CSMD1: variants seen among roughly 807,000 people sequenced by gnomAD.
CSMD1 encodes the protein CUB and Sushi multiple domains 1.
In CSMD1, 213 loss-of-function variants were observed where a neutral mutation model predicts 417.5. That is an observed-to-expected ratio of 0.51 (90% CI 0.46 to 0.57). The LOEUF (loss-of-function observed/expected upper bound fraction) is 0.57. Ranked by LOEUF, CSMD1 falls within the 20% of genes least tolerant of loss-of-function variation. The pLI is 0.00. For missense variants in CSMD1, 6,923 were observed against 4,529.7 expected (o/e 1.53, Z -15.17); for synonymous variants, 2,862 against 1,736.8 (o/e 1.65, Z -16.11).
chr8:3,548,599 T>A (rs1376781793), intron 10 of CSMD1, among the ~76,000 whole-genome samples: 1 of 150,924 alleles, frequency 6.6e-6, no homozygotes, highest in African/African-American at 2.4e-5. Flanking sequence ...CCCAATCTCA[T>A]CCAGGTTGCT....
intron 5 of CSMD1, among the ~76,000 whole-genome samples, chr8:3,879,836 C>CGT (rs55713446): frequency 2.3e-3 from 339 of 150,620 alleles, no homozygotes; most frequent in Non-Finnish European, 3.2e-3. Context: ...TGTGCGTGTG[C>CGT]GTGTGTGTGT....
At chr8:3,026,696 G>A (rs2128974970) in intron 51 of CSMD1, among the ~76,000 whole-genome samples, 1 of 152,356 alleles carries the variant, frequency 6.6e-6, no homozygotes, top group South Asian at 2.1e-4. Flanking sequence ...AAATGTGCCA[G>A]GTATCTGAGC....
At chr8:4,348,388 G>C (rs576160569) in intron 3 of CSMD1, among the ~76,000 whole-genome samples, 3 of 152,014 alleles carry the variant, frequency 2.0e-5, no homozygotes, top group Non-Finnish European at 2.9e-5. Context: ...TTTAAAGAAC[G>C]TTGCAGGTCA....
chr8:3,709,302 G>C (rs1031026686), intron 6 of CSMD1, among the ~76,000 whole-genome samples: 1 of 152,076 alleles, frequency 6.6e-6, no homozygotes, highest in Non-Finnish European at 1.5e-5. Context: ...TATGAGACTG[G>C]ACCTACAGCA....
chr8:3,995,321 G>A (rs2627505), intron 5 of CSMD1, among the ~76,000 whole-genome samples: 99,281 of 151,856 alleles, frequency 0.65, 32,613 homozygotes, highest in East Asian at 0.78. Context: ...AGTCCTTGTG[G>A]CTGTGTTAAG....
intron 1 of CSMD1, among the ~76,000 whole-genome samples, chr8:4,835,123 G>C (rs1800398418): frequency 6.6e-6 from 1 of 151,854 alleles, no homozygotes; most frequent in Non-Finnish European, 1.5e-5. Flanking sequence ...TTATTATTAA[G>C]GCGGCAACTC....
In CSMD1 at chr8:3,754,520, T is replaced by C. The variant is rs753557888; in HGVS notation, c.819-478A>G. Among the ~76,000 whole-genome samples the C allele has an allele frequency of 2.2e-4, 33 of 152,232 alleles. No homozygotes were observed. In the Middle Eastern group the frequency reaches 0.014, roughly 63 times the overall value. On this transcript the variant is annotated intron_variant, in intron 5 of 69. Transcript: ENST00000635120. ...TCCAGGCTGGAGGGCAGTGGTGCGA[T>C]CTCGGCTCACTGCAAGCTCCGCCTC...
At chr8:4,140,759 C>A (rs1445886731) in intron 3 of CSMD1, among the ~76,000 whole-genome samples, 2 of 150,922 alleles carry the variant, frequency 1.3e-5, no homozygotes, top group Non-Finnish European at 2.9e-5. Flanking sequence ...TTCATCTCCT[C>A]CCCTCCAGCT....
intron 5 of CSMD1, among the ~76,000 whole-genome samples, chr8:3,765,455 G>T (rs977666127): frequency 5.9e-5 from 9 of 152,178 alleles, no homozygotes; most frequent in Non-Finnish European, 1.0e-4. Flanking sequence ...CATTATTAAT[G>T]GTTGTGTAGA....
chr8:3,117,107 C>T (rs1197511608), intron 42 of CSMD1, among the ~76,000 whole-genome samples: 2 of 152,014 alleles, frequency 1.3e-5, no homozygotes, highest in Non-Finnish European at 2.9e-5. Flanking sequence ...GTCTCACTCT[C>T]TCGCCCAGGC....
chr8:4,542,246 A>C (rs1373005744), intron 2 of CSMD1, among the ~76,000 whole-genome samples: 4 of 152,196 alleles, frequency 2.6e-5, no homozygotes, highest in African/African-American at 9.7e-5. Flanking sequence ...ATCAAGTTAA[A>C]ATACCTTTTT....
intron 7 of CSMD1, among the ~76,000 whole-genome samples, chr8:3,680,785 C>A (rs979649280): frequency 1.3e-5 from 2 of 152,080 alleles, no homozygotes; most frequent in Non-Finnish European, 2.9e-5. Flanking sequence ...TGCAAAAATT[C>A]TCAATAAAAT....
intron 3 of CSMD1, among the ~76,000 whole-genome samples, chr8:4,121,797 T>C (rs1802502129): frequency 6.6e-6 from 1 of 152,038 alleles, no homozygotes; most frequent in African/African-American, 2.4e-5. Context: ...CATCACTTAT[T>C]TTCTAATTGT....
At chr8:4,402,162 T>C (rs1804688913) in intron 3 of CSMD1, among the ~76,000 whole-genome samples, 1 of 152,126 alleles carries the variant, frequency 6.6e-6, no homozygotes, top group African/African-American at 2.4e-5. Context: ...CCAGCCCTAA[T>C]ACCAACCACA....
intron 52 of CSMD1, 72 bp downstream of exon 52, chr8:3,018,405 G>A (rs1208060709): frequency 1.4e-6 from 2 of 1,409,342 alleles, no homozygotes; most frequent in Non-Finnish European, 2.0e-6. Context: ...GAAGTCATAT[G>A]TGTTACACAG....
At chr8:3,264,436 G>A (rs1052651001) in intron 26 of CSMD1, among the ~76,000 whole-genome samples, 1 of 152,148 alleles carries the variant, frequency 6.6e-6, no homozygotes, top group Admixed American at 6.5e-5. Context: ...CAAGTGTCAG[G>A]AGAATCTTAT....
At chr8:3,999,266 C>G (rs1345376074) in intron 4 of CSMD1, among the ~76,000 whole-genome samples, 4 of 151,760 alleles carry the variant, frequency 2.6e-5, no homozygotes, top group Non-Finnish European at 5.9e-5. Context: ...AGCCTGTTAC[C>G]AAGATGGGGG....
At chr8:3,135,829 T>C (rs556675345) in intron 41 of CSMD1, among the ~76,000 whole-genome samples, 1 of 152,090 alleles carries the variant, frequency 6.6e-6, no homozygotes, top group African/African-American at 2.4e-5. Context: ...TGTTTAGCAA[T>C]TGCAGTAGGA....
At chr8:3,908,866 G>C (rs1382875460) in intron 5 of CSMD1, among the ~76,000 whole-genome samples, 1 of 152,154 alleles carries the variant, frequency 6.6e-6, no homozygotes, top group East Asian at 1.9e-4. Flanking sequence ...GTTACTGTGA[G>C]GTAATATAAT....
Sources: gnomAD v4.1 joint callset for allele counts (sites outside exome capture counted in the v4.1 genomes callset) on GRCh38, gnomAD v4.1.1 for gene constraint, MANE v1.5 for transcripts, NCBI Gene and HGNC (gene_info 2026-07-23, HGNC 2026-07-21) for gene names.